NEXN: variants seen among roughly 807,000 people sequenced by gnomAD.
NEXN encodes nexilin F-actin binding protein.
In NEXN, 65 loss-of-function variants were observed where a neutral mutation model predicts 92.6. The observed-to-expected ratio is 0.70, with a 90% CI of 0.57 to 0.86. The LOEUF (loss-of-function observed/expected upper bound fraction) is 0.86. Among genes scored for constraint, NEXN ranks in the 40% least tolerant of loss-of-function variants. NEXN has a pLI of 0.00. For missense variants in NEXN, 778 were observed against 771.1 expected (o/e 1.01, Z -0.11); for synonymous variants, 254 against 242.5 (o/e 1.05, Z -0.44).
intron 8 of NEXN, among the ~76,000 whole-genome samples, chr1:77,927,556 GTGTA>G (rs1384449726): frequency 6.6e-6 from 1 of 151,860 alleles, no homozygotes; most frequent in East Asian, 1.9e-4. Context: ...GTCCTATTAA[GTGTA>G]TGTGTGTGCA....
At chr1:77,910,941 G>A (rs926144193) in intron 1 of NEXN, among the ~76,000 whole-genome samples, 2 of 151,892 alleles carry the variant, frequency 1.3e-5, no homozygotes, top group Non-Finnish European at 2.9e-5. Context: ...GGGCTCAAGA[G>A]ATCCTCCTGC....
Position 77,935,898 on chromosome 1 carries a change from A to G in NEXN, c.1327A>G (p.Ile443Val). 6.2e-7 allele frequency: 1 copy of G among 1,614,020 alleles called. No individual in the cohort carries two copies. The highest frequency in any genetic ancestry group is 8.5e-7 in the Non-Finnish European group (1 of 1,179,982). Reference protein sequence around the residue: ...ELIKLKRSGSIQAKNLKSKFE... With the variant: ...ELIKLKRSGSVQAKNLKSKFE... Reference sequence around the variant, plus strand: ...GATCAAATTAAAAAGGAGTGGCTCTATTCAAGCTAAAAACCTAAAAAGCAA... The same window carrying G: ...GATCAAATTAAAAAGGAGTGGCTCTGTTCAAGCTAAAAACCTAAAAAGCAA... Residue 443 changes from isoleucine (I) to valine (V), a missense_variant, in exon 11 of 13, where the codon ATT becomes GTT. By Grantham distance (29) the Ile-to-Val change is conservative (BLOSUM62 3). Coordinates refer to ENST00000334785, the MANE Select transcript of NEXN (RefSeq NM_144573.4).
chr1:77,918,045 A>G lies in NEXN; in HGVS notation c.298+7A>G. On this transcript the variant is annotated splice_region_variant and intron_variant, in intron 4 of 12. Transcript: ENST00000334785. ...TATGTTCCAAAATTAACAGGTAAGA[A>G]GCTTGAGGGGTAAATAGTAAATTAA... The G allele has an allele frequency of 6.2e-7, 1 of 1,612,998 alleles. No individual in the cohort carries two copies. Among genetic ancestry groups the G allele is most frequent in the Non-Finnish European group, 8.5e-7 (1 of 1,178,996 alleles).
intron 1 of NEXN, among the ~76,000 whole-genome samples, chr1:77,891,313 T>C (rs141374810): frequency 6.6e-6 from 1 of 152,284 alleles, no homozygotes; most frequent in Non-Finnish European, 1.5e-5. Flanking sequence ...AGGATTTTGA[T>C]GTATTTCCTT....
At chr1:77,893,826 TTTTC>T (rs945245802) in intron 1 of NEXN, among the ~76,000 whole-genome samples, 17 of 151,966 alleles carry the variant, frequency 1.1e-4, no homozygotes, top group South Asian at 2.1e-4. Flanking sequence ...AGATTCTTGA[TTTTC>T]TTTCTTTCTT....
chr1:77,909,636 G>A (rs992601232), intron 1 of NEXN, among the ~76,000 whole-genome samples: 2 of 151,978 alleles, frequency 1.3e-5, no homozygotes, highest in South Asian at 2.1e-4. Flanking sequence ...CATAAGCACC[G>A]ACAGACCCAC....
chr1:77,931,412 CAAAAAAAAAAAAAAAAA>C (rs138490881), intron 9 of NEXN, among the ~76,000 whole-genome samples: 1 of 57,566 alleles, frequency 1.7e-5, no homozygotes, highest in Non-Finnish European at 2.9e-5. Context: ...GACTCCGTCT[CAAAAAAAAAAAAAAAAA>C]AAAAAAAAAA....
chr1:77,920,101 A>G (rs568420411), intron 5 of NEXN, among the ~76,000 whole-genome samples: 1 of 152,182 alleles, frequency 6.6e-6, no homozygotes, highest in Non-Finnish European at 1.5e-5. Flanking sequence ...GGGTTTCACC[A>G]TGTTGGCCAG....
In NEXN at chr1:77,942,020, C is replaced by T; in HGVS notation, c.1474-3C>T. On this transcript the variant is annotated splice_region_variant and splice_polypyrimidine_tract_variant and intron_variant, in intron 11 of 12. Transcript: ENST00000334785. ...TTGTTAATCTTGGCCCACTTTCTTG[C>T]AGGAAGATGATGTTGATGTTAGGCC... 1.2e-6 allele frequency: 2 copies of T among 1,611,678 alleles called. No individual in the cohort carries two copies. The highest frequency in any genetic ancestry group is 1.7e-6 in the Non-Finnish European group (2 of 1,178,566).
intron 1 of NEXN, among the ~76,000 whole-genome samples, chr1:77,898,067 T>C (rs1328545078): frequency 6.6e-6 from 1 of 152,144 alleles, no homozygotes; most frequent in Non-Finnish European, 1.5e-5. Context: ...ATCAATATCA[T>C]GAAAATGGCC....
intron 1 of NEXN, among the ~76,000 whole-genome samples, chr1:77,911,691 A>T (rs138527067): frequency 0.048 from 7,364 of 152,146 alleles, 397 homozygotes; most frequent in African/African-American, 0.14. Context: ...ATGGAACATA[A>T]ATGAATTTCA....
In NEXN at chr1:77,942,904, TGAC is replaced by T; in HGVS notation, c.*76_*78del. On this transcript the variant is annotated 3_prime_UTR_variant, in exon 13 of 13. Transcript: ENST00000334785. ...TTTTCTTCTTCTCTTTTTTAGCTGA[TGAC>T]TACTAGCTCCCCTCCCCTCTCCCTG... 1 of 1,501,844 alleles carries T rather than the reference TGAC, an allele frequency of 6.7e-7. No individual in the cohort carries two copies. The highest frequency in any genetic ancestry group is 9.1e-7 in the Non-Finnish European group (1 of 1,104,874). The allele number at this position is 1,501,844 out of a possible 1,614,324, so 93.0% of individuals were successfully genotyped here.
intron 1 of NEXN, among the ~76,000 whole-genome samples, chr1:77,890,895 G>A (rs1201818018): frequency 6.6e-6 from 1 of 152,042 alleles, no homozygotes; most frequent in Non-Finnish European, 1.5e-5. Flanking sequence ...AGTTATGTAG[G>A]CCACACACAC....
At chr1:77,919,430 T>G (rs1649242790) in intron 5 of NEXN, among the ~76,000 whole-genome samples, 1 of 152,218 alleles carries the variant, frequency 6.6e-6, no homozygotes, top group Non-Finnish European at 1.5e-5. Context: ...GCAAAGCATA[T>G]GCTATACTTG....
At chr1:77,914,833 G>C (rs751981564) in intron 1 of NEXN, among the ~76,000 whole-genome samples, 3 of 150,682 alleles carry the variant, frequency 2.0e-5, no homozygotes, top group Non-Finnish European at 4.4e-5. Context: ...CTCCAGCCTG[G>C]GCAACAAGAG....
At chr1:77,927,450 C>T (rs549643071) in intron 8 of NEXN, among the ~76,000 whole-genome samples, 16 of 152,054 alleles carry the variant, frequency 1.1e-4, no homozygotes, top group Non-Finnish European at 1.9e-4. Context: ...GACATGGGTG[C>T]GGGACTGATT....
chr1:77,941,383 A>T (rs1651292969), intron 11 of NEXN, among the ~76,000 whole-genome samples: 1 of 152,076 alleles, frequency 6.6e-6, no homozygotes, highest in South Asian at 2.1e-4. Flanking sequence ...GACAGTTGAG[A>T]CTCTGCTCTT....
At chr1:77,924,659 TTTTTTTTC>T (rs766711762) in intron 5 of NEXN, among the ~76,000 whole-genome samples, 3 of 28,816 alleles carry the variant, frequency 1.0e-4, no homozygotes, top group Middle Eastern at 0.022. Flanking sequence ...TTTTTTCTGT[TTTTTTTTC>T]TTTTTTTCTT....
chr1:77,917,555 T>G lies in NEXN; in HGVS notation c.28-11T>G, dbSNP rs1372294123. On this transcript the variant is annotated splice_polypyrimidine_tract_variant and intron_variant, in intron 2 of 12. Transcript: ENST00000334785. ...CGTTAACTTTCTTTTTTTTATTTTC[T>G]TCTAATGAAGATTCTGCTTTCTTCA... The G allele has an allele frequency of 6.2e-7, 1 of 1,601,548 alleles. No individual in the cohort carries two copies. The highest frequency in any genetic ancestry group is 1.1e-5 in the South Asian group (1 of 90,308).
Sources: allele counts gnomAD v4.1 joint callset (sites outside exome capture counted in the v4.1 genomes callset), GRCh38; gene constraint gnomAD v4.1.1; transcripts MANE v1.5; gene names NCBI Gene and HGNC (gene_info 2026-07-23, HGNC 2026-07-21).